Variants in DCLK2 observed in about 807,000 individuals in gnomAD.
DCLK2 encodes doublecortin like kinase 2.
A neutral mutation model predicts 78.4 loss-of-function variants in DCLK2; 31 were observed. The ratio of observed to expected loss-of-function variants is 0.40; its 90% CI spans 0.30 to 0.53. The LOEUF is 0.53. Ranked by LOEUF, DCLK2 falls within the 20% of genes least tolerant of loss-of-function variation. The probability of loss-of-function intolerance (pLI) is 0.61; values close to 1 mark genes in which losing one functional copy is unlikely to be tolerated. For synonymous variants in DCLK2, 407 were observed against 374.9 expected (o/e 1.09, Z -0.99); for missense variants, 872 against 973.7 (o/e 0.90, Z 1.39).
At chr4:150,103,964 T>G (rs954388022) in intron 2 of DCLK2, among the ~76,000 whole-genome samples, 2 of 151,936 alleles carry the variant, frequency 1.3e-5, no homozygotes, top group African/African-American at 4.8e-5. Flanking sequence ...CAAAACACCT[T>G]AAGATTTACT....
At chr4:150,240,287 A>G in intron 11 of DCLK2, 112 bp from the exon 12 acceptor site, 1 of 891,252 alleles carries the variant, frequency 1.1e-6, no homozygotes, top group Non-Finnish European at 1.7e-6. Flanking sequence ...TGAAATGAAT[A>G]ATTTAACACT....
intron 15 of DCLK2, chr4:150,253,437 G>A: frequency 2.3e-6 from 3 of 1,289,654 alleles, no homozygotes; most frequent in Non-Finnish European, 3.0e-6. Context: ...TGAAAAAAAA[G>A]TAAAGTTGAT....
At chr4:150,168,143 A>C (rs909590625) in intron 2 of DCLK2, among the ~76,000 whole-genome samples, 2 of 152,166 alleles carry the variant, frequency 1.3e-5, no homozygotes, top group African/African-American at 2.4e-5. Context: ...GGAGATCGAG[A>C]CCATCCTGGC....
chr4:150,154,317 C>T (rs1560817364), intron 2 of DCLK2, among the ~76,000 whole-genome samples: 1 of 152,150 alleles, frequency 6.6e-6, no homozygotes. Context: ...AGGATTCATC[C>T]CTTCACGTCA....
chr4:150,236,452 T>C (rs926493031), intron 10 of DCLK2, among the ~76,000 whole-genome samples: 6 of 152,140 alleles, frequency 3.9e-5, no homozygotes, highest in Admixed American at 2.6e-4. Flanking sequence ...GAGGTAACAG[T>C]TCTCTTCCTA....
At position 150,129,814 on chromosome 4, in the gene DCLK2, A is replaced by G. The variant is rs1417888827; in HGVS notation, c.756+27002A>G. Among the ~76,000 whole-genome samples the G allele has an allele frequency of 3.3e-5, 5 of 152,072 alleles. No individual in the cohort carries two copies. In the East Asian group the frequency reaches 9.6e-4, roughly 29 times the overall value. ...AACTAGCCATACTTTATTTTTTAAAATCAGAAGTCTGTCTTCCCAAAATAA... is the reference window on the plus strand; with the variant it reads ...AACTAGCCATACTTTATTTTTTAAAGTCAGAAGTCTGTCTTCCCAAAATAA... On this transcript the variant is annotated intron_variant, in intron 2 of 15. Transcript: ENST00000296550.
At chr4:150,182,181 G>T (rs964514058) in intron 2 of DCLK2, among the ~76,000 whole-genome samples, 1 of 151,566 alleles carries the variant, frequency 6.6e-6, no homozygotes, top group Non-Finnish European at 1.5e-5. Flanking sequence ...TCAGTAGCTG[G>T]GACCACAGTT....
At chr4:150,223,373 G>T (rs139271112) in intron 7 of DCLK2, among the ~76,000 whole-genome samples, 1 of 152,180 alleles carries the variant, frequency 6.6e-6, no homozygotes, top group African/African-American at 2.4e-5. Context: ...GTACTGTGGT[G>T]TTCTTTATTG....
intron 2 of DCLK2, among the ~76,000 whole-genome samples, chr4:150,141,693 T>C (rs1734112685): frequency 6.6e-6 from 1 of 152,218 alleles, no homozygotes; most frequent in South Asian, 2.1e-4. Context: ...ATGATAAACC[T>C]GAGGTGTACG....
In DCLK2 at chr4:150,185,637, C is replaced by T. The variant is rs151083605; in HGVS notation, c.757-7501C>T. ...GCTGAGGCAGAAGAATCGCTTGAAC[C>T]GGGGAGGTGGAGGTTGCAGTGAGCT... On this transcript the variant is annotated intron_variant, in intron 2 of 15. Coordinates refer to ENST00000296550, the MANE Select transcript of DCLK2 (RefSeq NM_001040260.4). Among the ~76,000 whole-genome samples, 339 of 151,512 alleles carry T rather than the reference C, an allele frequency of 2.2e-3. 2 individuals carry two copies. The highest frequency in any genetic ancestry group is 8.0e-3 in the African/African-American group (331 of 41,256).
intron 15 of DCLK2, chr4:150,253,686 T>C (rs1744352301): frequency 8.3e-7 from 1 of 1,210,332 alleles, no homozygotes; most frequent in Non-Finnish European, 1.0e-6. Flanking sequence ...TTGTACCTAC[T>C]CACATCCTTT....
rs1387588571 is a variant in DCLK2, at chr4:150,220,736, G to C, written c.1090G>C (p.Val364Leu). 6.2e-7 allele frequency: 1 copy of C among 1,613,926 alleles called. No homozygotes were observed. Among genetic ancestry groups the C allele is most frequent in the Admixed American group, 1.7e-5 (1 of 60,008 alleles). ...ISAHGRSSSN[V>L]NGGPELDRCI... The stretch of plus-strand genomic sequence containing the variant: ...TGCTCATGGCAGATCTTCTTCCAAT[G>C]TAAACGGTGGACCTGAGCTTGACCG... The change falls in exon 6 of 16, where the codon GTA becomes CTA. Residue 364 changes from valine to leucine, a missense_variant. Val to Leu is a conservative substitution (Grantham distance 32). Around this residue, in one of 3 missense-constraint regions of DCLK2, gnomAD observed 567 missense variants for 593.4 expected, o/e 0.96. Transcript: ENST00000296550.
intron 2 of DCLK2, among the ~76,000 whole-genome samples, chr4:150,164,964 A>G (rs546465916): frequency 6.6e-6 from 1 of 152,172 alleles, no homozygotes; most frequent in East Asian, 1.9e-4. Context: ...CTCCTTTTAA[A>G]GATTTTGAGC....
chr4:150,142,870 G>A (rs1257814376), intron 2 of DCLK2, among the ~76,000 whole-genome samples: 1 of 150,282 alleles, frequency 6.7e-6, no homozygotes, highest in Non-Finnish European at 1.5e-5. Context: ...TGGGTATGTT[G>A]TATAATGGTG....
intron 2 of DCLK2, among the ~76,000 whole-genome samples, chr4:150,169,744 C>A (rs1736374676): frequency 6.6e-6 from 1 of 151,630 alleles, no homozygotes; most frequent in Non-Finnish European, 1.5e-5. Flanking sequence ...AAGTAGGGTA[C>A]AGAAACAGTT....
At chr4:150,250,822 G>C (rs967692994) in intron 15 of DCLK2, among the ~76,000 whole-genome samples, 2 of 149,150 alleles carry the variant, frequency 1.3e-5, no homozygotes, top group African/African-American at 5.0e-5. Context: ...GGTCTAGATA[G>C]AAGCTATAAG....
intron 2 of DCLK2, among the ~76,000 whole-genome samples, chr4:150,148,937 A>G (rs1022385369): frequency 3.3e-5 from 5 of 150,900 alleles, no homozygotes; most frequent in Non-Finnish European, 7.4e-5. Flanking sequence ...GGAGGCTGAG[A>G]TGAGATGGGA....
chr4:150,197,088 A>G (rs1361169629), intron 3 of DCLK2, among the ~76,000 whole-genome samples: 1 of 151,950 alleles, frequency 6.6e-6, no homozygotes, highest in Non-Finnish European at 1.5e-5. Context: ...TGGGAGGCAA[A>G]GGTTGCAATG....
At chr4:150,169,623 C>T (rs1030679852) in intron 2 of DCLK2, among the ~76,000 whole-genome samples, 4 of 149,040 alleles carry the variant, frequency 2.7e-5, no homozygotes, top group African/African-American at 1.0e-4. Flanking sequence ...CACCATTGCA[C>T]TCCAGCTGGG....
Sources: allele counts gnomAD v4.1 joint callset (sites outside exome capture counted in the v4.1 genomes callset), GRCh38; gene constraint gnomAD v4.1.1; regional missense constraint gnomAD v4.1.1; transcripts MANE v1.5; gene names NCBI Gene and HGNC (gene_info 2026-07-23, HGNC 2026-07-21).